QSOX2: variants seen among roughly 807,000 people sequenced by gnomAD.
The protein encoded by QSOX2 is sulfhydryl oxidase 2.
QSOX2 carries 46 observed loss-of-function variants against 61.7 expected under a neutral mutation model. The observed-to-expected ratio is 0.75, with a 90% CI of 0.59 to 0.95. The LOEUF (loss-of-function observed/expected upper bound fraction) is 0.95. Among genes scored for constraint, QSOX2 ranks in the 40% least tolerant of loss-of-function variants. The pLI, the probability that QSOX2 is intolerant of heterozygous loss-of-function variation, is 0.00. For missense variants in QSOX2, 879 were observed against 918.9 expected (o/e 0.96, Z 0.56); for synonymous variants, 383 against 388.4 (o/e 0.99, Z 0.16).
chr9:136,226,737 G>C (rs1182574193), intron 2 of QSOX2, 37 bp downstream of exon 2: 8 of 1,529,066 alleles, frequency 5.2e-6, no homozygotes, highest in Middle Eastern at 1.7e-4. Context: ...GGGGTAGAAG[G>C]TGAATTTCAA....
intron 1 of QSOX2, among the ~76,000 whole-genome samples, chr9:136,236,736 G>C (rs938698735): frequency 1.8e-4 from 27 of 151,940 alleles, no homozygotes; most frequent in African/African-American, 6.3e-4. Context: ...TCCTGGGTCT[G>C]CGTCACCTGG....
rs1360468061 is a variant in QSOX2, at chr9:136,221,811, T to C, written c.806A>G (p.His269Arg). 6.2e-7 allele frequency: 1 copy of C among 1,607,452 alleles called. No individual in the cohort carries two copies. The highest frequency in any genetic ancestry group is 1.3e-5 in the African/African-American group (1 of 74,802). Residue 269 changes from histidine to arginine, a missense_variant, in exon 6 of 12, where the codon CAT becomes CGT. By Grantham distance (29) the His-to-Arg change is conservative. Coordinates refer to ENST00000358701, the MANE Select transcript of QSOX2 (RefSeq NM_181701.4). This position sits in a 1 kb window ranked among gnomAD's most constrained non-coding sequence, Gnocchi z 4.5. ...SCYLIYPNGS[H>R]GLINVVKPLR... ...GGGCACTCACACGTTAATCAATCCA[T>C]GCGACCCATTTGGGTAGATCAGGTA... is the stretch of plus-strand genomic sequence containing the variant.
In QSOX2 at chr9:136,222,093, T is replaced by A; in HGVS notation, c.676-152A>T. 2.7e-6 allele frequency: 2 copies of A among 738,628 alleles called. No homozygotes were observed. The highest frequency in any genetic ancestry group is 3.9e-6 in the Non-Finnish European group (2 of 507,190). 45.8% of individuals were successfully genotyped at this position (738,628 alleles called of 1,614,324 possible). ...AAGACCCTCACTCAAATCTTCACTC[T>A]CATTGCACTTTAAGGCAACTGACGG... is the stretch of plus-strand genomic sequence containing the variant. On this transcript the variant is annotated intron_variant, in intron 5 of 11. Coordinates refer to ENST00000358701, the MANE Select transcript of QSOX2 (RefSeq NM_181701.4). This position sits in a 1 kb window ranked among gnomAD's most constrained non-coding sequence, Gnocchi z 6.9.
chr9:136,227,212 C>T (rs377544171), intron 1 of QSOX2, among the ~76,000 whole-genome samples: 9 of 152,192 alleles, frequency 5.9e-5, no homozygotes, highest in African/African-American at 1.9e-4. Context: ...TGTCAGCGGC[C>T]GGCACTTAAG....
intron 1 of QSOX2, among the ~76,000 whole-genome samples, chr9:136,237,632 A>T (rs1335621525): frequency 7.4e-6 from 1 of 134,926 alleles, no homozygotes; most frequent in Non-Finnish European, 1.6e-5. Flanking sequence ...CGTCACCTGG[A>T]GCCCGTCCTG....
intron 9 of QSOX2, 31 bp from the exon 10 acceptor site, chr9:136,215,335 A>C (rs758484030): frequency 6.5e-5 from 100 of 1,532,758 alleles, no homozygotes; most frequent in Non-Finnish European, 8.1e-5. Context: ...AAAACCCCAA[A>C]GAATAAAAGA....
rs1217056965 is a variant in QSOX2, at chr9:136,215,125, C to T, written c.1360+29G>A. The T allele has an allele frequency of 2.5e-6, 4 of 1,601,002 alleles. No homozygotes were observed. The African/African-American group carries it at 5.4e-5, about 22-fold the overall frequency. ...GTTAACTTGTTAGGCAGACCATCGGCCCCTCTGGCCTGTATGGGCACAGCT... is the reference window on the plus strand; with the variant it reads ...GTTAACTTGTTAGGCAGACCATCGGTCCCTCTGGCCTGTATGGGCACAGCT... On this transcript the variant is annotated intron_variant, in intron 10 of 11. Coordinates refer to ENST00000358701, the MANE Select transcript of QSOX2 (RefSeq NM_181701.4).
Position 136,245,324 on chromosome 9 carries a change from CG to C in QSOX2, c.328+151del, listed in dbSNP as rs1830462870. 6.2e-6 allele frequency: 4 copies of C among 642,472 alleles called. No homozygotes were observed. In the South Asian group the frequency reaches 7.9e-5, roughly 13 times the overall value. 39.8% of individuals were successfully genotyped at this position (642,472 alleles called of 1,614,324 possible). A position where few individuals can be genotyped will look rare whatever the true frequency, so the allele number is the denominator to read the frequency against. ...TGGAAAGGCCAGGGTTGGTCCGAGT[CG>C]GGTGCCTCTGTGGGGCAGGGACTGG... On this transcript the variant is annotated intron_variant, in intron 1 of 11. Transcript: ENST00000358701.
At chr9:136,220,094 C>T (rs996513266) in intron 6 of QSOX2, among the ~76,000 whole-genome samples, 4 of 152,002 alleles carry the variant, frequency 2.6e-5, no homozygotes, top group Non-Finnish European at 5.9e-5. Flanking sequence ...TGCAGTGGTG[C>T]AATTTCAGCT....
rs753216342 is a variant in QSOX2, at chr9:136,211,349, T to C, written c.1464A>G (p.Lys488=). The change falls in exon 11 of 12, where the codon AAA becomes AAG. Residue 488 remains lysine (K), a synonymous_variant. Coordinates refer to ENST00000358701, the MANE Select transcript of QSOX2 (RefSeq NM_181701.4). ...ECGEHFEEMA[K]ESMDSVKTPD... is the part of the protein sequence containing the mutation. ...GGGTTTTCACCGAGTCCATGGATTC[T>C]TTAGCCATTTCCTCAAAGTGCTCAC... The C allele has an allele frequency of 6.2e-7, 1 of 1,614,244 alleles. No homozygotes were observed. The highest frequency in any genetic ancestry group is 1.1e-5 in the South Asian group (1 of 91,088).
At position 136,223,986 on chromosome 9, in the gene QSOX2, C is replaced by T. The variant is rs1554756768; in HGVS notation, c.584+21G>A. 1 of 1,606,760 alleles carries T rather than the reference C, an allele frequency of 6.2e-7. No individual in the cohort carries two copies. Among genetic ancestry groups the T allele is most frequent in the Non-Finnish European group, 8.5e-7 (1 of 1,173,698 alleles). On this transcript the variant is annotated intron_variant, in intron 4 of 11. Transcript: ENST00000358701. This position sits in a 1 kb window ranked among gnomAD's most constrained non-coding sequence, Gnocchi z 4.4. ...AGTTCAACACGAGTCTAACGGCCGC[C>T]TTCTTCATGGAGCTACTCACTGAAT...
In QSOX2 at chr9:136,228,149, T is replaced by C. The variant is rs573887356; in HGVS notation, c.329-1275A>G. Among the ~76,000 whole-genome samples the C allele has an allele frequency of 3.9e-3, 590 of 152,270 alleles. 2 individuals carry two copies. The highest frequency in any genetic ancestry group is 7.1e-3 in the Non-Finnish European group (481 of 68,016). On this transcript the variant is annotated intron_variant, in intron 1 of 11. Coordinates refer to ENST00000358701, the MANE Select transcript of QSOX2 (RefSeq NM_181701.4). Reference sequence around the variant, plus strand: ...TCTGATTTGTTTGGTGACATTACTTTGTAGGTAGTGGAACATGCTTCCACC... The same window carrying C: ...TCTGATTTGTTTGGTGACATTACTTCGTAGGTAGTGGAACATGCTTCCACC...
At chr9:136,215,362 A>G (rs1266585737) in intron 9 of QSOX2, 58 bp from the exon 10 acceptor site, 5 of 1,322,856 alleles carry the variant, frequency 3.8e-6, no homozygotes, top group Non-Finnish European at 5.0e-6. Context: ...TTGAAATTAA[A>G]AACAGTCGAC....
At chr9:136,218,876 G>C (rs1831946734) in intron 7 of QSOX2, 68 bp from the exon 8 acceptor site, 1 of 1,588,210 alleles carries the variant, frequency 6.3e-7, no homozygotes, top group Non-Finnish European at 8.6e-7. Context: ...TCCCTGTCCT[G>C]GCTCCTCCCC....
intron 11 of QSOX2, chr9:136,210,929 CGTTCCAA>C (rs1297867751): frequency 1.9e-5 from 19 of 983,654 alleles, no homozygotes; most frequent in Non-Finnish European, 2.3e-5. Context: ...AAATTAATTA[CGTTCCAA>C]GCTTTCCAGA....
chr9:136,226,908 A>T, intron 1 of QSOX2, 34 bp from the exon 2 acceptor site: 1 of 1,581,518 alleles, frequency 6.3e-7, no homozygotes, highest in African/African-American at 1.3e-5. Flanking sequence ...CAGTGTGGTG[A>T]GCACTGGACT....
rs1408832570 is a variant in QSOX2, at chr9:136,208,997, G to A, written c.1828C>T (p.Arg610Cys). 9.9e-6 allele frequency: 16 copies of A among 1,613,658 alleles called. No individual in the cohort carries two copies. The highest frequency in any genetic ancestry group is 2.2e-5 in the South Asian group (2 of 91,074). ...SHGDRDTQSVRPPGALGPRPA... is the reference protein window; with the variant it reads ...SHGDRDTQSVCPPGALGPRPA... ...CTGGGGCCCAGTGCACCAGGTGGAC[G>A]GACGCTCTGGGTGTCTCGGTCTCCA... is the stretch of plus-strand genomic sequence containing the variant. The change falls in exon 12 of 12, where the codon CGT becomes TGT. Residue 610 changes from arginine (R) to cysteine (C), a missense_variant. Physicochemically the swap from Arg to Cys is radical, Grantham distance 180. Transcript: ENST00000358701.
In QSOX2 at chr9:136,221,718, A is replaced by G. The variant is rs1489292321; in HGVS notation, c.821+78T>C. The G allele has an allele frequency of 4.1e-6, 6 of 1,458,282 alleles. No homozygotes were observed. The African/African-American group carries it at 7.1e-5, about 17-fold the overall frequency. The allele number at this position is 1,458,282 out of a possible 1,614,324, so 90.3% of individuals were successfully genotyped here. A position where few individuals can be genotyped will look rare whatever the true frequency, so the allele number is the denominator to read the frequency against. On this transcript the variant is annotated intron_variant, in intron 6 of 11. Coordinates refer to ENST00000358701, the MANE Select transcript of QSOX2 (RefSeq NM_181701.4). The surrounding 1 kb of genome is among the most constrained non-coding windows in gnomAD (Gnocchi z 4.5). ...CAGGGCTCCCCCGATCTCACACCAG[A>G]CTTGCACTGTCTACTCGGAGCCTCT...
At chr9:136,217,319 A>T (rs777906691) in intron 8 of QSOX2, among the ~76,000 whole-genome samples, 24 of 152,330 alleles carry the variant, frequency 1.6e-4, no homozygotes, top group Admixed American at 3.9e-4. Context: ...GCTGCACCAC[A>T]AACTGTGCAA....
Sources: allele counts gnomAD v4.1 joint callset (sites outside exome capture counted in the v4.1 genomes callset), GRCh38; gene constraint gnomAD v4.1.1; non-coding constraint Gnocchi (gnomAD v3.1); transcripts MANE v1.5; gene names NCBI Gene and HGNC (gene_info 2026-07-23, HGNC 2026-07-21).